Variants in GABRG1 observed in about 807,000 individuals in gnomAD.
GABRG1 encodes the protein gamma-aminobutyric acid type A receptor subunit gamma1.
In GABRG1, 49 loss-of-function variants were observed where a neutral mutation model predicts 49.8. The ratio of observed to expected loss-of-function variants is 0.98; its 90% CI spans 0.78 to 1.25. The LOEUF (loss-of-function observed/expected upper bound fraction) is 1.25. Among genes scored for constraint, GABRG1 ranks in the 50% most tolerant of loss-of-function variants. The pLI, the probability that GABRG1 is intolerant of heterozygous loss-of-function variation, is 0.00. For synonymous variants in GABRG1, 232 were observed against 185.1 expected, an observed-to-expected ratio of 1.25 and a Z score of -2.06; for missense variants, 552 against 552.3, an observed-to-expected ratio of 1.00 and a Z score of 0.01.
chr4:46,086,351 G>A (rs1037600183), intron 2 of GABRG1, among the ~76,000 whole-genome samples: 3 of 151,620 alleles, frequency 2.0e-5, no homozygotes, highest in African/African-American at 7.2e-5. Context: ...ACAGCCAATT[G>A]TAGAGGTGGG....
chr4:46,087,740 A>G (rs1350030759), intron 2 of GABRG1, among the ~76,000 whole-genome samples: 3 of 151,946 alleles, frequency 2.0e-5, no homozygotes, highest in African/African-American at 4.8e-5. Context: ...CCTAGACTAT[A>G]CAGCAGAAGT....
chr4:46,101,786 A>G (rs1427556754), intron 1 of GABRG1, among the ~76,000 whole-genome samples: 1 of 151,696 alleles, frequency 6.6e-6, no homozygotes, highest in Non-Finnish European at 1.5e-5. Flanking sequence ...GTACACATCT[A>G]TTGCTTGTTA....
At chr4:46,103,192 T>A (rs16859083) in intron 1 of GABRG1, among the ~76,000 whole-genome samples, 2,437 of 151,614 alleles carry the variant, frequency 0.016, 66 homozygotes, top group African/African-American at 0.057. Context: ...CTTAATAAGG[T>A]GCCTGAGGAA....
chr4:46,120,422 G>A (rs1207394364), intron 1 of GABRG1, among the ~76,000 whole-genome samples: 2 of 151,570 alleles, frequency 1.3e-5, no homozygotes, highest in South Asian at 2.1e-4. Context: ...GTTCTTCATA[G>A]TATAGAATGG....
intron 8 of GABRG1, among the ~76,000 whole-genome samples, chr4:46,046,912 C>T (rs1718021341): frequency 6.6e-6 from 1 of 152,098 alleles, no homozygotes; most frequent in African/African-American, 2.4e-5. Context: ...GCTAACAAGA[C>T]AAAATGTAAA....
intron 8 of GABRG1, among the ~76,000 whole-genome samples, chr4:46,049,001 T>C (rs1479330851): frequency 1.3e-5 from 2 of 152,000 alleles, no homozygotes; most frequent in Non-Finnish European, 1.5e-5. Flanking sequence ...AGCAACTCTC[T>C]AGCCAAAGTA....
rs1044549226 is a variant in GABRG1 at position 46,098,806 on chromosome 4, A to T, written c.105-1457T>A. The stretch of plus-strand genomic sequence containing the variant: ...CATTTCCCAAACATCAGCTATAAAA[A>T]CCTGGATATCACATCTGCTTTGTAG... On this transcript the variant is annotated intron_variant, in intron 1 of 8. Transcript: ENST00000295452. Among the ~76,000 whole-genome samples the T allele has an allele frequency of 2.6e-5, 4 of 151,582 alleles. No homozygotes were observed. The South Asian group carries it at 8.3e-4, about 31-fold the overall frequency.
chr4:46,046,798 C>A (rs1305818239), intron 8 of GABRG1, among the ~76,000 whole-genome samples: 1 of 152,058 alleles, frequency 6.6e-6, no homozygotes, highest in Non-Finnish European at 1.5e-5. Flanking sequence ...ATCTCCCTGC[C>A]TCTTTTGCCA....
chr4:46,091,171 G>A (rs774560229), intron 2 of GABRG1, among the ~76,000 whole-genome samples: 68 of 152,122 alleles, frequency 4.5e-4, no homozygotes, highest in Admixed American at 1.6e-3. Flanking sequence ...GAGGATCCTG[G>A]TACAAACCTC....
In GABRG1 at chr4:46,090,955, T is replaced by TACACAC. The variant is rs61288916; in HGVS notation, c.253+6240_253+6245dup. 1.0e-3 allele frequency among the ~76,000 whole-genome samples: 137 copies of TACACAC among 131,164 alleles called. 1 individual carries two copies. The highest frequency in any genetic ancestry group is 5.8e-3 in the South Asian group (22 of 3,774). The allele number at this position is 131,164 out of a possible 152,430, so 86.0% of individuals were successfully genotyped here. A position where few individuals can be genotyped will look rare whatever the true frequency, so the allele number is the denominator to read the frequency against. ...GAATACACACACACACACACACACA[T>TACACAC]ACACACACACACACACACACACACA... is the stretch of plus-strand genomic sequence containing the variant. On this transcript the variant is annotated intron_variant, in intron 2 of 8. Transcript: ENST00000295452.
At chr4:46,106,862 G>C (rs1414184733) in intron 1 of GABRG1, among the ~76,000 whole-genome samples, 1 of 150,996 alleles carries the variant, frequency 6.6e-6, no homozygotes, top group African/African-American at 2.4e-5. Context: ...GTCATGCATG[G>C]TCACCTAATT....
chr4:46,105,665 C>T (rs974043018), intron 1 of GABRG1, among the ~76,000 whole-genome samples: 3 of 151,298 alleles, frequency 2.0e-5, no homozygotes, highest in East Asian at 3.9e-4. Context: ...TTTGAATGTC[C>T]AATATGGGTT....
At chr4:46,087,603 G>C (rs189893581) in intron 2 of GABRG1, among the ~76,000 whole-genome samples, 1 of 151,534 alleles carries the variant, frequency 6.6e-6, no homozygotes, top group Non-Finnish European at 1.5e-5. Flanking sequence ...ATAAAATATC[G>C]ATCTAGTTAA....
intron 8 of GABRG1, 32 bp from the exon 9 acceptor site, chr4:46,041,286 C>A (rs201557001): frequency 1.0e-5 from 16 of 1,596,758 alleles, no homozygotes; most frequent in Non-Finnish European, 1.3e-5. Context: ...TTTTTGACAT[C>A]AAAAAAGTAG....
At chr4:46,120,493 T>A (rs1280018553) in intron 1 of GABRG1, among the ~76,000 whole-genome samples, 1 of 151,730 alleles carries the variant, frequency 6.6e-6, no homozygotes, top group Non-Finnish European at 1.5e-5. Context: ...TTTTATCAAT[T>A]ACGACATTTG....
intron 1 of GABRG1, among the ~76,000 whole-genome samples, chr4:46,108,688 C>G (rs963629399): frequency 6.6e-6 from 1 of 150,724 alleles, no homozygotes; most frequent in Non-Finnish European, 1.5e-5. Context: ...TAAGTTAGCA[C>G]TCAATTATTA....
intron 1 of GABRG1, among the ~76,000 whole-genome samples, chr4:46,100,569 A>T (rs1179466681): frequency 6.6e-6 from 1 of 151,562 alleles, no homozygotes; most frequent in Non-Finnish European, 1.5e-5. Flanking sequence ...TATTGGCAAC[A>T]ACTTAAATTT....
In GABRG1 at chr4:46,041,327, G is replaced by A. The variant is rs80084959; in HGVS notation, c.1132-73C>T. The A allele has an allele frequency of 2.3e-3, 3,291 of 1,401,980 alleles. 94 individuals carry two copies. The East Asian group carries it at 0.06, about 25-fold the overall frequency. 86.8% of individuals were successfully genotyped at this position (1,401,980 alleles called of 1,614,324 possible). A position where few individuals can be genotyped will look rare whatever the true frequency, so the allele number is the denominator to read the frequency against. ...GGAAAGATCAATTTGCTCCTTTAAC[G>A]CAAACTCTAGGAGACTGACAGGTAA... On this transcript the variant is annotated intron_variant, in intron 8 of 8. Coordinates refer to ENST00000295452, the MANE Select transcript of GABRG1 (RefSeq NM_173536.4).
In GABRG1 at chr4:46,084,068, CA is replaced by C; in HGVS notation, c.254-16del. On this transcript the variant is annotated splice_polypyrimidine_tract_variant and intron_variant, in intron 2 of 8. Transcript: ENST00000295452. ...TGTGGGCCTCACTGCAAAATATCAA[CA>C]AAAAGAAAGGTCAAAGATATGATTA... The C allele has an allele frequency of 6.7e-7, 1 of 1,497,714 alleles. No homozygotes were observed. Among genetic ancestry groups the C allele is most frequent in the Non-Finnish European group, 9.2e-7 (1 of 1,086,364 alleles). The allele number at this position is 1,497,714 out of a possible 1,614,324, so 92.8% of individuals were successfully genotyped here.
Sources: allele counts gnomAD v4.1 joint callset (sites outside exome capture counted in the v4.1 genomes callset), GRCh38; gene constraint gnomAD v4.1.1; transcripts MANE v1.5; gene names NCBI Gene and HGNC (gene_info 2026-07-23, HGNC 2026-07-21).